The following PARD3B variants were observed in gnomAD, a reference collection of about 807,000 sequenced individuals.
PARD3B encodes partitioning defective 3 homolog B.
PARD3B carries 103 observed loss-of-function variants against 130.2 expected under a neutral mutation model. The observed-to-expected ratio is 0.79, with a 90% CI of 0.67 to 0.93. The LOEUF is 0.93. PARD3B is among the 40% of genes least tolerant of loss of function. The pLI is 0.00. For missense variants in PARD3B, 1,609 were observed against 1,499.2 expected, an observed-to-expected ratio of 1.07 and a Z score of -1.21; for synonymous variants, 583 against 553.2, an observed-to-expected ratio of 1.05 and a Z score of -0.76.
intron 21 of PARD3B, 53 bp downstream of exon 21, chr2:205,500,084 A>G: frequency 6.3e-7 from 1 of 1,587,474 alleles, no homozygotes; most frequent in Non-Finnish European, 8.6e-7. Context: ...AAGAATGTTT[A>G]GAGCAGAAGA....
chr2:205,384,962 A>AGAGAAAATATT (rs986927204), intron 18 of PARD3B, among the ~76,000 whole-genome samples: 2 of 152,100 alleles, frequency 1.3e-5, no homozygotes, highest in African/African-American at 4.8e-5. Flanking sequence ...AAATTCCTTA[A>AGAGAAAATATT]GAGAAAATAT....
chr2:204,755,204 G>A (rs948259149), intron 2 of PARD3B, among the ~76,000 whole-genome samples: 1 of 152,016 alleles, frequency 6.6e-6, no homozygotes, highest in Non-Finnish European at 1.5e-5. Flanking sequence ...CATAATTTAG[G>A]GGAAGCTCCT....
At chr2:204,759,152 A>G (rs1013615698) in intron 2 of PARD3B, among the ~76,000 whole-genome samples, 3 of 152,196 alleles carry the variant, frequency 2.0e-5, no homozygotes, top group Non-Finnish European at 4.4e-5. Flanking sequence ...GCAGTTACTC[A>G]AATGAGTTCT....
At chr2:204,763,066 G>A (rs987726564) in intron 2 of PARD3B, among the ~76,000 whole-genome samples, 2 of 152,134 alleles carry the variant, frequency 1.3e-5, no homozygotes, top group Admixed American at 6.6e-5. Context: ...GGCCTTGTTC[G>A]TTTTTCTTTA....
chr2:204,600,122 G>T (rs1261362572), intron 1 of PARD3B, among the ~76,000 whole-genome samples: 1 of 151,536 alleles, frequency 6.6e-6, no homozygotes, highest in Non-Finnish European at 1.5e-5. Context: ...CCATTCTGTA[G>T]GTTGCCTTTT....
intron 1 of PARD3B, among the ~76,000 whole-genome samples, chr2:204,560,982 C>T (rs188874273): frequency 2.6e-4 from 40 of 152,024 alleles, no homozygotes; most frequent in East Asian, 7.8e-4. Flanking sequence ...GGGGAGAGGG[C>T]GCAGTCTCTG....
intron 2 of PARD3B, among the ~76,000 whole-genome samples, chr2:204,705,002 A>T (rs551455007): frequency 6.6e-6 from 1 of 152,284 alleles, no homozygotes; most frequent in African/African-American, 2.4e-5. Flanking sequence ...TGGACCAGAG[A>T]CACTTAAATA....
rs139272912 is a variant in PARD3B, at chr2:205,092,511, G to A, written c.505-11915G>A. Among the ~76,000 whole-genome samples, 465 of 152,270 alleles carry A rather than the reference G, an allele frequency of 3.1e-3. 1 individual carries two copies. Among genetic ancestry groups the A allele is most frequent in the Middle Eastern group, 0.01 (3 of 294 alleles). On this transcript the variant is annotated intron_variant, in intron 4 of 22. Coordinates refer to ENST00000406610, the MANE Select transcript of PARD3B (RefSeq NM_001302769.2). Reference sequence around the variant, plus strand: ...GAACAGAGGAGGAGAAGGGTTTGGAGGTACTTGGGAGGTGATGCACCAATG... The same window carrying A: ...GAACAGAGGAGGAGAAGGGTTTGGAAGTACTTGGGAGGTGATGCACCAATG...
intron 5 of PARD3B, among the ~76,000 whole-genome samples, chr2:205,109,235 G>T (rs1703450865): frequency 6.6e-6 from 1 of 152,158 alleles, no homozygotes; most frequent in African/African-American, 2.4e-5. Flanking sequence ...AGAGTTCAAG[G>T]TTATCCACAG....
chr2:205,372,392 C>T (rs849202), intron 18 of PARD3B, among the ~76,000 whole-genome samples: 37,758 of 152,042 alleles, frequency 0.25, 6,143 homozygotes, highest in African/African-American at 0.46. Flanking sequence ...CTCATTGTGG[C>T]TTTGATTTGC....
intron 1 of PARD3B, among the ~76,000 whole-genome samples, chr2:204,667,068 G>C (rs1457337225): frequency 6.6e-6 from 1 of 152,196 alleles, no homozygotes; most frequent in African/African-American, 2.4e-5. Flanking sequence ...CTGGGAGAGA[G>C]GATGAGGAAA....
chr2:204,638,480 C>T (rs957258045), intron 1 of PARD3B, among the ~76,000 whole-genome samples: 1 of 152,086 alleles, frequency 6.6e-6, no homozygotes, highest in Admixed American at 6.5e-5. Context: ...TATTACTGAT[C>T]GCTATATATT....
rs1442145892 is a variant in PARD3B at position 205,263,950 on chromosome 2, G to A, written c.2185+18128G>A. ...GAGTAATGAGAAGTGGAAGAAGATT[G>A]TCAGAGAGAATAGGACACAAATGAT... On this transcript the variant is annotated intron_variant, in intron 16 of 22. Coordinates refer to ENST00000406610, the MANE Select transcript of PARD3B (RefSeq NM_001302769.2). The surrounding 1 kb of genome is among the most constrained non-coding windows in gnomAD (Gnocchi z 4.0). Among the ~76,000 whole-genome samples the A allele has an allele frequency of 1.3e-5, 2 of 151,114 alleles. No homozygotes were observed. Among genetic ancestry groups the A allele is most frequent in the African/African-American group, 2.4e-5 (1 of 41,144 alleles).
intron 1 of PARD3B, among the ~76,000 whole-genome samples, chr2:204,592,504 A>G (rs533944417): frequency 6.6e-6 from 1 of 152,338 alleles, no homozygotes; most frequent in South Asian, 2.1e-4. Context: ...AGGCAGCTAT[A>G]CCACTTTGTA....
intron 15 of PARD3B, among the ~76,000 whole-genome samples, chr2:205,194,287 G>A (rs969517): frequency 0.76 from 116,007 of 152,126 alleles, 44,671 homozygotes; most frequent in East Asian, 0.97. Flanking sequence ...AAAATGTTCA[G>A]TCATGATGAA....
chr2:205,179,557 G>A (rs775546037), intron 13 of PARD3B, among the ~76,000 whole-genome samples: 1 of 152,138 alleles, frequency 6.6e-6, no homozygotes, highest in Non-Finnish European at 1.5e-5. Context: ...ATTGCCTGTA[G>A]TATTCAGTAA....
chr2:205,070,787 A>G (rs1023617223), intron 4 of PARD3B, among the ~76,000 whole-genome samples: 11 of 152,166 alleles, frequency 7.2e-5, no homozygotes, highest in African/African-American at 1.9e-4. Context: ...TTGTGAACTA[A>G]CTTTGTCACT....
chr2:205,235,895 G>C (rs1307692162), intron 15 of PARD3B, among the ~76,000 whole-genome samples: 5 of 152,118 alleles, frequency 3.3e-5, no homozygotes, highest in African/African-American at 1.2e-4. Context: ...CAATGCGTTA[G>C]AAAAAATTTG....
At chr2:205,365,256 T>C (rs909416024) in intron 18 of PARD3B, among the ~76,000 whole-genome samples, 1 of 150,390 alleles carries the variant, frequency 6.6e-6, no homozygotes. Flanking sequence ...CCTGTAATCC[T>C]AGCTACTTGG....
Sources: allele counts gnomAD v4.1 joint callset (sites outside exome capture counted in the v4.1 genomes callset), GRCh38; gene constraint gnomAD v4.1.1; non-coding constraint Gnocchi (gnomAD v3.1); transcripts MANE v1.5; gene names NCBI Gene and HGNC (gene_info 2026-07-23, HGNC 2026-07-21).